PDE3B: variants seen among roughly 807,000 people sequenced by gnomAD.
The protein encoded by PDE3B is phosphodiesterase 3B, also known as cGMP-inhibited 3',5'-cyclic phosphodiesterase 3B.
A neutral mutation model predicts 116.8 loss-of-function variants in PDE3B; 66 were observed. The observed-to-expected ratio is 0.56, with a 90% confidence interval of 0.46 to 0.69. The LOEUF (loss-of-function observed/expected upper bound fraction) is 0.69. PDE3B is among the 30% of genes least tolerant of loss of function. The pLI, the probability that PDE3B is intolerant of heterozygous loss-of-function variation, is 0.00. For missense variants in PDE3B, 1,384 were observed against 1,368.1 expected (o/e 1.01, Z -0.18); for synonymous variants, 595 against 533.6 (o/e 1.12, Z -1.59).
the PDE3B span, among the ~76,000 whole-genome samples, chr11:14,883,748 A>C: frequency 3.9e-5 from 6 of 152,132 alleles, no homozygotes; most frequent in African/African-American, 2.4e-5. Context: ...TGAACAGGCA[A>C]CCTACAAAAT....
chr11:14,644,620 G>A lies in PDE3B; in HGVS notation c.545G>A (p.Gly182Glu). The A allele has an allele frequency of 6.5e-7, 1 of 1,528,862 alleles. No individual in the cohort carries two copies. Among genetic ancestry groups the A allele is most frequent in the Non-Finnish European group, 8.8e-7 (1 of 1,140,566 alleles). The allele number at this position is 1,528,862 out of a possible 1,614,324, so 94.7% of individuals were successfully genotyped here. Residue 182 changes from glycine (G) to glutamate (E), a missense_variant, in exon 1 of 16, where the codon GGG becomes GAG. Physicochemically the swap from Gly to Glu is moderately conservative, Grantham distance 98. Transcript: ENST00000282096. ...TGGCCTTGGGGGGATGGCGACGCAG[G>A]GTCCGCGGCCCCGCACACGCCCCCG... ...WSWPWGDGDAGSAAPHTPPEA... is the reference protein window; with the variant it reads ...WSWPWGDGDAESAAPHTPPEA...
chr11:14,891,977 G>A, the PDE3B span: 1 of 1,612,880 alleles, frequency 6.2e-7, no homozygotes, highest in South Asian at 1.1e-5. Flanking sequence ...CGTCGGGGCT[G>A]TACCTCTCCG....
intron 1 of PDE3B, among the ~76,000 whole-genome samples, chr11:14,701,813 G>A (rs557021479): frequency 6.6e-6 from 1 of 151,084 alleles, no homozygotes; most frequent in East Asian, 1.9e-4. Context: ...AAAGCATCCA[G>A]TGTTACTATT....
At chr11:14,693,348 C>T (rs892705396) in intron 1 of PDE3B, among the ~76,000 whole-genome samples, 2 of 152,168 alleles carry the variant, frequency 1.3e-5, no homozygotes, top group African/African-American at 2.4e-5. Flanking sequence ...AGATTTTCAA[C>T]GTAGGTAAAT....
chr11:14,835,176 T>C (rs948686646), intron 11 of PDE3B, 81 bp downstream of exon 11: 3 of 888,270 alleles, frequency 3.4e-6, no homozygotes, highest in Non-Finnish European at 5.2e-6. Context: ...CTCTGTTCTT[T>C]TAAGTTTTTC....
At chr11:14,886,725 A>G in the PDE3B span, 1 of 152,322 alleles carries the variant, frequency 6.6e-6, no homozygotes, top group Non-Finnish European at 1.5e-5. Flanking sequence ...GCTTATTGCC[A>G]TCCTTTCAGG....
chr11:14,682,392 A>G (rs1185101599), intron 1 of PDE3B, among the ~76,000 whole-genome samples: 1 of 152,184 alleles, frequency 6.6e-6, no homozygotes, highest in Non-Finnish European at 1.5e-5. Context: ...ATGATGAATA[A>G]GAGAGATGTG....
intron 1 of PDE3B, among the ~76,000 whole-genome samples, chr11:14,770,389 C>G (rs920607419): frequency 2.6e-5 from 4 of 151,152 alleles, no homozygotes; most frequent in African/African-American, 9.7e-5. Context: ...GCAGTTGGGT[C>G]TAAAAAGCCA....
intron 5 of PDE3B, among the ~76,000 whole-genome samples, chr11:14,812,529 A>T (rs1213140180): frequency 6.6e-6 from 1 of 152,192 alleles, no homozygotes; most frequent in African/African-American, 2.4e-5. Context: ...AAAATCTGTT[A>T]AGCTTACATT....
At chr11:14,660,061 A>G (rs1853843977) in intron 1 of PDE3B, among the ~76,000 whole-genome samples, 1 of 152,124 alleles carries the variant, frequency 6.6e-6, no homozygotes, top group Non-Finnish European at 1.5e-5. Flanking sequence ...TGAAGGCATA[A>G]TTGTTAGCTT....
rs530341089 is a variant in PDE3B, at chr11:14,703,763, C to T, written c.978+58710C>T. ...TTGGTTGAACTACCCAGTTTAGGCC[C>T]GGTTGTTTGTGTGTGTGTGTGTGTG... On this transcript the variant is annotated intron_variant, in intron 1 of 15. Transcript: ENST00000282096. Among the ~76,000 whole-genome samples, 14 of 151,072 alleles carry T rather than the reference C, an allele frequency of 9.3e-5. No homozygotes were observed. In the South Asian group the frequency reaches 1.9e-3, roughly 20 times the overall value.
intron 1 of PDE3B, among the ~76,000 whole-genome samples, chr11:14,667,292 G>C (rs1240669795): frequency 6.6e-6 from 1 of 151,062 alleles, no homozygotes; most frequent in Admixed American, 6.6e-5. Flanking sequence ...TGTGGGGTGG[G>C]GGGAGTGGGG....
At chr11:14,873,465 T>C (rs782588061), downstream of PDE3B, among the ~76,000 whole-genome samples, 2 of 152,158 alleles carry the variant, frequency 1.3e-5, no homozygotes, top group East Asian at 3.9e-4. Flanking sequence ...TGGTTTAAGA[T>C]AGATAGAGTT....
At chr11:14,790,540 G>C (rs886381589) in intron 4 of PDE3B, among the ~76,000 whole-genome samples, 8 of 152,028 alleles carry the variant, frequency 5.3e-5, no homozygotes, top group Admixed American at 3.3e-4. Context: ...GATACATTGA[G>C]TTAAGGTCAT....
In PDE3B at chr11:14,869,774, G is replaced by A. The variant is rs1288801342; in HGVS notation, c.*114G>A. ...GACTCTCAACTGACCATTCCCATGT[G>A]GACAGGCCTTAATACTGTGAGAGGA... On this transcript the variant is annotated 3_prime_UTR_variant, in exon 16 of 16. Transcript: ENST00000282096. 2 of 790,260 alleles carry A rather than the reference G, an allele frequency of 2.5e-6. No homozygotes were observed. The highest frequency in any genetic ancestry group is 5.3e-5 in the East Asian group (2 of 37,702). The allele number at this position is 790,260 out of a possible 1,614,324, so 49.0% of individuals were successfully genotyped here.
At chr11:14,713,454 C>G (rs1322621049) in intron 1 of PDE3B, among the ~76,000 whole-genome samples, 1 of 152,188 alleles carries the variant, frequency 6.6e-6, no homozygotes, top group Non-Finnish European at 1.5e-5. Flanking sequence ...ACCTGACTGC[C>G]TTCAAACTGG....
At chr11:14,788,349 G>A (rs1858275703) in intron 3 of PDE3B, among the ~76,000 whole-genome samples, 1 of 152,008 alleles carries the variant, frequency 6.6e-6, no homozygotes, top group East Asian at 1.9e-4. Flanking sequence ...ACTCAACAAG[G>A]ATATTAACAT....
chr11:14,847,069 A>C (rs999331549), intron 12 of PDE3B, among the ~76,000 whole-genome samples: 1 of 152,202 alleles, frequency 6.6e-6, no homozygotes, highest in African/African-American at 2.4e-5. Flanking sequence ...TCCTATTCCA[A>C]AATTGACCAT....
Position 14,871,336 on chromosome 11 carries a change from A to G in PDE3B, c.*1676A>G, listed in dbSNP as rs893993888. ...ACACTATGTGTAAACCAGTCCCACC[A>G]CTTATTACTAATAAAATTTTGACTG... On this transcript the variant is annotated 3_prime_UTR_variant, in exon 16 of 16. Coordinates refer to ENST00000282096, the MANE Select transcript of PDE3B (RefSeq NM_000922.4). 1 of 152,128 alleles carries G rather than the reference A, an allele frequency of 6.6e-6. No individual in the cohort carries two copies. Among genetic ancestry groups the G allele is most frequent in the African/African-American group, 2.4e-5 (1 of 41,432 alleles). The allele number at this position is 152,128 out of a possible 1,614,324, so 9.4% of individuals were successfully genotyped here.
Sources: allele counts gnomAD v4.1 joint callset (sites outside exome capture counted in the v4.1 genomes callset), GRCh38; gene constraint gnomAD v4.1.1; transcripts MANE v1.5; gene names NCBI Gene and HGNC (gene_info 2026-07-23, HGNC 2026-07-21).